TDP1: variants seen among roughly 807,000 people sequenced by gnomAD.
TDP1 encodes tyr-DNA phosphodiesterase 1.
A neutral mutation model predicts 81.5 loss-of-function variants in TDP1; 64 were observed. That is an observed-to-expected ratio of 0.79 (90% CI 0.64 to 0.97). The LOEUF is 0.97. Ranked by LOEUF, TDP1 falls within the 50% of genes least tolerant of loss-of-function variation. The probability of loss-of-function intolerance (pLI) is 0.00; values close to 1 mark genes in which losing one functional copy is unlikely to be tolerated. For missense variants in TDP1, 723 were observed against 743.8 expected (o/e 0.97, Z 0.33); for synonymous variants, 256 against 264.3 (o/e 0.97, Z 0.30).
At chr14:89,972,301 A>G (rs578259879) in intron 6 of TDP1, among the ~76,000 whole-genome samples, 3 of 152,070 alleles carry the variant, frequency 2.0e-5, no homozygotes, top group African/African-American at 2.4e-5. Context: ...GAGAGGGGGA[A>G]GAGCTACACA....
chr14:89,969,945 C>T (rs1269578629), intron 5 of TDP1, among the ~76,000 whole-genome samples: 3 of 138,734 alleles, frequency 2.2e-5, no homozygotes, highest in Non-Finnish European at 4.6e-5. Flanking sequence ...GGCGGGATCT[C>T]GGCTCACTGC....
At chr14:89,955,284 A>C (rs1891451915), upstream of TDP1, 1 of 152,412 alleles carries the variant, frequency 6.6e-6, no homozygotes, top group Non-Finnish European at 1.5e-5. Flanking sequence ...ACGAGCCGTT[A>C]TATTTACACA....
intron 2 of TDP1, chr14:89,957,194 C>T (rs972801676): frequency 6.6e-6 from 1 of 152,160 alleles, no homozygotes; most frequent in African/African-American, 2.4e-5. Flanking sequence ...ATTTTTCTGT[C>T]TCATACTTAT....
upstream of TDP1, chr14:89,955,807 G>C (rs979414749): frequency 1.4e-5 from 2 of 144,574 alleles, no homozygotes; most frequent in Admixed American, 1.3e-4. Flanking sequence ...CCCGTCCTGG[G>C]TAAACACCCG....
intron 15 of TDP1, among the ~76,000 whole-genome samples, chr14:90,031,494 T>C (rs968508326): frequency 3.3e-5 from 5 of 151,836 alleles, no homozygotes; most frequent in Non-Finnish European, 7.4e-5. Flanking sequence ...CTGTCTCTAC[T>C]AAAAATACAA....
chr14:89,964,836 T>C, intron 3 of TDP1: 1 of 441,878 alleles, frequency 2.3e-6, no homozygotes. Flanking sequence ...ATATATTTTC[T>C]CCTTTAATCC....
intron 4 of TDP1, chr14:89,967,129 A>G (rs1893032891): frequency 1.0e-6 from 1 of 985,026 alleles, no homozygotes; most frequent in South Asian, 4.7e-5. Context: ...ATGCAGAGAT[A>G]ATTTCCTGGG....
chr14:90,007,969 C>G (rs1427791945), intron 14 of TDP1, among the ~76,000 whole-genome samples: 2 of 152,150 alleles, frequency 1.3e-5, no homozygotes, highest in Non-Finnish European at 2.9e-5. Flanking sequence ...AAGTTGCCAT[C>G]TAATTGTTGC....
intron 14 of TDP1, among the ~76,000 whole-genome samples, chr14:89,997,237 C>T (rs1399162991): frequency 6.6e-6 from 1 of 152,182 alleles, no homozygotes; most frequent in Non-Finnish European, 1.5e-5. Flanking sequence ...AGGCCAAGTC[C>T]ATGCCTGTCT....
Position 90,043,687 on chromosome 14 carries a change from A to G in TDP1, c.*544A>G, listed in dbSNP as rs890451369. On this transcript the variant is annotated 3_prime_UTR_variant, in exon 17 of 17. Coordinates refer to ENST00000335725, the MANE Select transcript of TDP1 (RefSeq NM_018319.4). ...CATGGAAATTTTCATTTGGAGCATC[A>G]TGTCAGCACTCAAAAAGTTCTGGAT... is the stretch of plus-strand genomic sequence containing the variant. 2 of 170,570 alleles carry G rather than the reference A, an allele frequency of 1.2e-5. No individual in the cohort carries two copies. The highest frequency in any genetic ancestry group is 4.8e-5 in the African/African-American group (2 of 41,556). The allele number at this position is 170,570 out of a possible 1,614,324, so 10.6% of individuals were successfully genotyped here.
intron 2 of TDP1, among the ~76,000 whole-genome samples, chr14:89,957,947 G>A (rs376030610): frequency 2.3e-4 from 35 of 152,204 alleles, no homozygotes; most frequent in South Asian, 1.2e-3. Context: ...TTTCATCCCC[G>A]CCCAGATCCC....
intron 15 of TDP1, among the ~76,000 whole-genome samples, chr14:90,020,175 C>T (rs1251415884): frequency 1.3e-5 from 2 of 152,112 alleles, no homozygotes. Flanking sequence ...GGTGTACAAG[C>T]CATCTGTTTC....
chr14:90,033,351 C>G, intron 16 of TDP1, 137 bp downstream of exon 16: 3 of 704,878 alleles, frequency 4.3e-6, no homozygotes, highest in Non-Finnish European at 7.8e-6. Context: ...GGGCCCTTTG[C>G]CAGCCTGTCT....
rs73324600 is a variant in TDP1, at chr14:89,981,950, C to T, written c.884+1318C>T. Among the ~76,000 whole-genome samples, 366 of 152,226 alleles carry T rather than the reference C, an allele frequency of 2.4e-3. 1 individual carries two copies. Among genetic ancestry groups the T allele is most frequent in the African/African-American group, 8.6e-3 (357 of 41,512 alleles). ...TGCTGAGATTACAGGCATGAACCAC[C>T]GTGCCTGGCCCCAAGTTACATCTTA... is the stretch of plus-strand genomic sequence containing the variant. On this transcript the variant is annotated intron_variant, in intron 8 of 16. Coordinates refer to ENST00000335725, the MANE Select transcript of TDP1 (RefSeq NM_018319.4).
At chr14:89,982,151 G>A (rs995952154) in intron 8 of TDP1, among the ~76,000 whole-genome samples, 1 of 152,068 alleles carries the variant, frequency 6.6e-6, no homozygotes, top group Non-Finnish European at 1.5e-5. Context: ...CCCCACCATA[G>A]CATGTGGCTT....
intron 10 of TDP1, chr14:89,988,501 G>A (rs996971335): frequency 2.7e-6 from 2 of 731,274 alleles, no homozygotes; most frequent in Admixed American, 6.3e-5. Flanking sequence ...TGCATGCCAG[G>A]AAACAGGGAT....
At chr14:89,963,820 G>A in intron 3 of TDP1, 147 bp downstream of exon 3, 1 of 876,782 alleles carries the variant, frequency 1.1e-6, no homozygotes, top group Non-Finnish European at 1.9e-6. Context: ...TGACAGGCAA[G>A]TGCATTAGTA....
At chr14:89,983,837 TAATGA>T (rs1277759263) in intron 8 of TDP1, among the ~76,000 whole-genome samples, 2 of 152,224 alleles carry the variant, frequency 1.3e-5, no homozygotes, top group East Asian at 1.9e-4. Context: ...GAAAAAGAAT[TAATGA>T]AATGAAAGAT....
At chr14:90,020,586 C>CCCTCCCTCCCCGCCTTCCTT (rs1885941519) in intron 15 of TDP1, among the ~76,000 whole-genome samples, 1 of 32,146 alleles carries the variant, frequency 3.1e-5, no homozygotes, top group Non-Finnish European at 5.5e-5. Flanking sequence ...TTCCTTCCCT[C>CCCTCCCTCCCCGCCTTCCTT]CCTCCCTCCC....
Sources: gnomAD v4.1 joint callset for allele counts (sites outside exome capture counted in the v4.1 genomes callset) on GRCh38, gnomAD v4.1.1 for gene constraint, MANE v1.5 for transcripts, NCBI Gene and HGNC (gene_info 2026-07-23, HGNC 2026-07-21) for gene names.